Variants in CDH13 observed in about 807,000 individuals in gnomAD.
The protein encoded by CDH13 is cadherin-13.
Under a neutral mutation model 63.8 loss-of-function variants are expected in CDH13, and 24 were observed. The ratio of observed to expected loss-of-function variants is 0.38; its 90% CI spans 0.27 to 0.53. The LOEUF (loss-of-function observed/expected upper bound fraction) is 0.53. Ranked by LOEUF, CDH13 falls within the 20% of genes least tolerant of loss-of-function variation. The pLI, the probability that CDH13 is intolerant of heterozygous loss-of-function variation, is 0.85. For synonymous variants in CDH13, 503 were observed against 355.3 expected (o/e 1.42, Z -4.67); for missense variants, 1,049 against 903.1 (o/e 1.16, Z -2.07).
intron 2 of CDH13, among the ~76,000 whole-genome samples, chr16:83,011,529 C>A (rs1007671582): frequency 2.0e-5 from 3 of 152,116 alleles, no homozygotes; most frequent in African/African-American, 7.2e-5. Flanking sequence ...GGGTCCTGTG[C>A]TTGAAAGGCT....
chr16:82,696,186 T>A (rs2030264620), intron 1 of CDH13, among the ~76,000 whole-genome samples: 2 of 152,202 alleles, frequency 1.3e-5, no homozygotes, highest in Non-Finnish European at 2.9e-5. Context: ...AGAGGTGATA[T>A]AAACATACAC....
intron 2 of CDH13, among the ~76,000 whole-genome samples, chr16:82,895,443 C>G (rs2041220288): frequency 6.6e-6 from 1 of 152,270 alleles, no homozygotes; most frequent in East Asian, 1.9e-4. Context: ...TTTCTTCACT[C>G]TTTAAGAGTA....
At chr16:82,665,413 A>T (rs1912469356) in intron 1 of CDH13, among the ~76,000 whole-genome samples, 1 of 152,328 alleles carries the variant, frequency 6.6e-6, no homozygotes, top group African/African-American at 2.4e-5. Flanking sequence ...TATATTGACT[A>T]GTTGACTGAA....
chr16:83,315,007 T>C (rs532889298), intron 5 of CDH13, among the ~76,000 whole-genome samples: 2 of 152,328 alleles, frequency 1.3e-5, no homozygotes, highest in South Asian at 4.1e-4. Context: ...GGCTCCACCC[T>C]GTGTGACTTT....
chr16:83,095,143 A>G (rs760357942), intron 3 of CDH13, among the ~76,000 whole-genome samples: 1 of 152,226 alleles, frequency 6.6e-6, no homozygotes, highest in Non-Finnish European at 1.5e-5. Flanking sequence ...GTGTTTGCCA[A>G]TTACTGTGGT....
rs111635318 is a variant in CDH13 at position 83,139,206 on chromosome 16, A to G, written c.483+13705A>G. On this transcript the variant is annotated intron_variant, in intron 4 of 13. Coordinates refer to ENST00000567109, the MANE Select transcript of CDH13 (RefSeq NM_001257.5). ...GGTTATGTGGAGGGTTGTTCTTGGAAAGACGGATTCATTTTGCACCAGTGA... is the reference window on the plus strand; with the variant it reads ...GGTTATGTGGAGGGTTGTTCTTGGAGAGACGGATTCATTTTGCACCAGTGA... Among the ~76,000 whole-genome samples the G allele has an allele frequency of 2.0e-3, 298 of 152,254 alleles. 2 individuals carry two copies. Among genetic ancestry groups the G allele is most frequent in the African/African-American group, 6.9e-3 (287 of 41,550 alleles).
chr16:82,713,164 G>C (rs895659524), intron 1 of CDH13, among the ~76,000 whole-genome samples: 1 of 151,960 alleles, frequency 6.6e-6, no homozygotes, highest in Non-Finnish European at 1.5e-5. Context: ...TTGGGATCCC[G>C]GTACCACCCG....
chr16:83,267,442 T>C (rs1439064583), intron 5 of CDH13, among the ~76,000 whole-genome samples: 2 of 152,262 alleles, frequency 1.3e-5, no homozygotes, highest in East Asian at 1.9e-4. Flanking sequence ...GCTCTCCCTT[T>C]CTGTGTGTGC....
chr16:83,701,909 C>G (rs1412400048), intron 10 of CDH13, among the ~76,000 whole-genome samples: 4 of 152,208 alleles, frequency 2.6e-5, no homozygotes, highest in Non-Finnish European at 5.9e-5. Flanking sequence ...GGTTGATGTC[C>G]AGCTCTGCCA....
intron 4 of CDH13, among the ~76,000 whole-genome samples, chr16:83,146,868 C>A (rs188371044): frequency 7.2e-5 from 11 of 152,274 alleles, no homozygotes; most frequent in African/African-American, 2.4e-4. Flanking sequence ...CAGACAGATT[C>A]CTTGAGGTCA....
In CDH13 at chr16:83,334,632, C is replaced by G. The variant is rs148024523; in HGVS notation, c.637-10230C>G. ...TTCAATCATTCCTCCCGCCTTAGCC[C>G]TCCAAAGTGCTGAGATTACAGGCAT... On this transcript the variant is annotated intron_variant, in intron 5 of 13. Coordinates refer to ENST00000567109, the MANE Select transcript of CDH13 (RefSeq NM_001257.5). Among the ~76,000 whole-genome samples, 185 of 152,146 alleles carry G rather than the reference C, an allele frequency of 1.2e-3. 2 individuals carry two copies. In the East Asian group the frequency reaches 0.024, roughly 20 times the overall value.
intron 1 of CDH13, among the ~76,000 whole-genome samples, chr16:82,853,498 A>G (rs2039574326): frequency 6.6e-6 from 1 of 152,186 alleles, no homozygotes. Flanking sequence ...CTTAATCCTC[A>G]TAACGGGTGA....
At chr16:82,783,038 A>G (rs2035839274) in intron 1 of CDH13, among the ~76,000 whole-genome samples, 1 of 152,146 alleles carries the variant, frequency 6.6e-6, no homozygotes, top group Non-Finnish European at 1.5e-5. Flanking sequence ...TCCTTCCCCC[A>G]TGGAGTTTAA....
At chr16:83,350,202 C>G (rs1425572475) in intron 6 of CDH13, among the ~76,000 whole-genome samples, 1 of 152,178 alleles carries the variant, frequency 6.6e-6, no homozygotes, top group South Asian at 2.1e-4. Context: ...CAGGAGCTGG[C>G]TGTAGGTTGT....
intron 6 of CDH13, among the ~76,000 whole-genome samples, chr16:83,445,871 T>G (rs2072672169): frequency 6.6e-6 from 1 of 152,280 alleles, no homozygotes; most frequent in South Asian, 2.1e-4. Flanking sequence ...AGGAGGAAGA[T>G]GATTCCTACA....
intron 6 of CDH13, among the ~76,000 whole-genome samples, chr16:83,410,241 A>T (rs905749061): frequency 2.0e-5 from 3 of 152,212 alleles, no homozygotes; most frequent in Non-Finnish European, 4.4e-5. Flanking sequence ...ACAAGGTTCA[A>T]TGCTACCCAA....
At chr16:83,685,908 T>C (rs1904305870) in intron 10 of CDH13, among the ~76,000 whole-genome samples, 1 of 152,138 alleles carries the variant, frequency 6.6e-6, no homozygotes, top group Non-Finnish European at 1.5e-5. Context: ...CCTGCAGACA[T>C]GGGTTTTGAG....
At chr16:82,809,108 G>C (rs1426517793) in intron 1 of CDH13, among the ~76,000 whole-genome samples, 1 of 151,858 alleles carries the variant, frequency 6.6e-6, no homozygotes, top group African/African-American at 2.4e-5. Context: ...ATTTTTCTAA[G>C]ATCCTGCCAA....
intron 8 of CDH13, among the ~76,000 whole-genome samples, chr16:83,668,653 T>G (rs1914223443): frequency 6.6e-6 from 1 of 152,190 alleles, no homozygotes; most frequent in South Asian, 2.1e-4. Context: ...GCCTAAGCCA[T>G]GGGGATCTAA....
Sources: gnomAD v4.1 joint callset for allele counts (sites outside exome capture counted in the v4.1 genomes callset) on GRCh38, gnomAD v4.1.1 for gene constraint, MANE v1.5 for transcripts, NCBI Gene and HGNC (gene_info 2026-07-23, HGNC 2026-07-21) for gene names.